Variants in PHACTR1 observed in about 807,000 individuals in gnomAD.
PHACTR1 encodes phosphatase and actin regulator 1.
In PHACTR1, 16 loss-of-function variants were observed where a neutral mutation model predicts 69.2. The ratio of observed to expected loss-of-function variants is 0.23; its 90% confidence interval spans 0.16 to 0.35. The LOEUF (loss-of-function observed/expected upper bound fraction) is 0.35, where lower values mean the gene tolerates loss of function less well. Ranked by LOEUF, PHACTR1 falls within the 10% of genes least tolerant of loss-of-function variation. PHACTR1 has a pLI of 1.00. For missense variants in PHACTR1, 510 were observed against 734.7 expected, an observed-to-expected ratio of 0.69 and a Z score of 3.54; for synonymous variants, 312 against 284.5, an observed-to-expected ratio of 1.10 and a Z score of -0.97.
chr6:13,069,783 C>T (rs1244064723), intron 5 of PHACTR1, among the ~76,000 whole-genome samples: 4 of 152,276 alleles, frequency 2.6e-5, no homozygotes, highest in South Asian at 2.1e-4. Flanking sequence ...ATGAAATACA[C>T]GTGACCCTTT....
chr6:12,835,116 T>C (rs199539296), intron 4 of PHACTR1, among the ~76,000 whole-genome samples: 4 of 152,036 alleles, frequency 2.6e-5, no homozygotes, highest in African/African-American at 9.7e-5. Flanking sequence ...GCATCCCAAA[T>C]GGAGAGAACC....
At chr6:13,106,594 C>T (rs1256862026) in intron 5 of PHACTR1, among the ~76,000 whole-genome samples, 2 of 152,206 alleles carry the variant, frequency 1.3e-5, no homozygotes, top group African/African-American at 4.8e-5. Context: ...CCTCCCAACT[C>T]AGCCTCCTAA....
intron 8 of PHACTR1, among the ~76,000 whole-genome samples, chr6:13,222,747 G>A (rs894952217): frequency 3.9e-4 from 60 of 152,358 alleles, no homozygotes; most frequent in African/African-American, 1.4e-3. Flanking sequence ...GGCTGTCACA[G>A]TTGGAGGAAG....
intron 5 of PHACTR1, among the ~76,000 whole-genome samples, chr6:13,059,635 A>G (rs1807388816): frequency 6.6e-6 from 1 of 152,230 alleles, no homozygotes; most frequent in African/African-American, 2.4e-5. Flanking sequence ...GCACACAGTT[A>G]TACCTCAATA....
intron 4 of PHACTR1, among the ~76,000 whole-genome samples, chr6:12,981,945 G>A (rs1024210489): frequency 6.6e-6 from 1 of 152,146 alleles, no homozygotes; most frequent in African/African-American, 2.4e-5. Flanking sequence ...ACCTGGGCTT[G>A]CTTTCTTTCT....
chr6:13,200,399 C>T (rs929297268), intron 7 of PHACTR1, among the ~76,000 whole-genome samples: 4 of 151,404 alleles, frequency 2.6e-5, no homozygotes, highest in East Asian at 1.9e-4. Context: ...TTAGTAGAGA[C>T]GGGGTCAAAG....
intron 4 of PHACTR1, among the ~76,000 whole-genome samples, chr6:12,926,283 C>G (rs1228889249): frequency 6.6e-6 from 1 of 152,110 alleles, no homozygotes; most frequent in Non-Finnish European, 1.5e-5. Flanking sequence ...TTCCCTTTGA[C>G]TCTTGTCTTT....
At chr6:12,943,190 T>C (rs1790234755) in intron 4 of PHACTR1, among the ~76,000 whole-genome samples, 1 of 152,162 alleles carries the variant, frequency 6.6e-6, no homozygotes, top group Non-Finnish European at 1.5e-5. Flanking sequence ...TATTCAGCCA[T>C]AGAAAGAAAG....
At chr6:13,248,617 C>A (rs555606525) in intron 10 of PHACTR1, among the ~76,000 whole-genome samples, 1 of 152,074 alleles carries the variant, frequency 6.6e-6, no homozygotes, top group Non-Finnish European at 1.5e-5. Context: ...TTGAGGTGAT[C>A]GCAAAGCCCC....
At chr6:12,799,394 A>G (rs555717636) in intron 4 of PHACTR1, among the ~76,000 whole-genome samples, 1 of 152,288 alleles carries the variant, frequency 6.6e-6, no homozygotes, top group Non-Finnish European at 1.5e-5. Flanking sequence ...AGCTAGAGCC[A>G]GTTACTAGGT....
intron 4 of PHACTR1, among the ~76,000 whole-genome samples, chr6:12,925,472 G>A (rs1457367839): frequency 6.6e-6 from 1 of 152,136 alleles, no homozygotes; most frequent in Non-Finnish European, 1.5e-5. Context: ...GTACGAAACT[G>A]TTCTAAGAGA....
chr6:13,036,733 G>T (rs544409914), intron 4 of PHACTR1, among the ~76,000 whole-genome samples: 1 of 152,298 alleles, frequency 6.6e-6, no homozygotes, highest in African/African-American at 2.4e-5. Flanking sequence ...TTTGGAGGTA[G>T]ATGCTGTCTC....
intron 4 of PHACTR1, among the ~76,000 whole-genome samples, chr6:12,753,830 C>G (rs1766909661): frequency 6.6e-6 from 1 of 151,982 alleles, no homozygotes. Flanking sequence ...CAGGGTACCT[C>G]TCTTCCACCC....
At chr6:12,751,646 AC>A (rs578117897) in intron 4 of PHACTR1, among the ~76,000 whole-genome samples, 41 of 152,330 alleles carry the variant, frequency 2.7e-4, no homozygotes, top group Non-Finnish European at 4.6e-4. Context: ...AAACCTAGTG[AC>A]TTGCAATCTT....
At chr6:12,833,187 G>C (rs547675556) in intron 4 of PHACTR1, among the ~76,000 whole-genome samples, 2 of 151,792 alleles carry the variant, frequency 1.3e-5, no homozygotes, top group South Asian at 4.2e-4. Flanking sequence ...CTTCCTTTTC[G>C]TGTTAAACCT....
intron 3 of PHACTR1, among the ~76,000 whole-genome samples, chr6:12,733,853 C>T (rs934646750): frequency 2.0e-5 from 3 of 152,146 alleles, no homozygotes; most frequent in African/African-American, 7.2e-5. Context: ...AAATCAGCCA[C>T]GTGGAAGATA....
At chr6:12,954,764 A>T (rs776397140) in intron 4 of PHACTR1, among the ~76,000 whole-genome samples, 1 of 152,252 alleles carries the variant, frequency 6.6e-6, no homozygotes, top group Non-Finnish European at 1.5e-5. Context: ...CACCCAAGAG[A>T]TTACCACTTG....
At chr6:12,730,442 C>A in intron 3 of PHACTR1, among the ~76,000 whole-genome samples, 1 of 149,484 alleles carries the variant, frequency 6.7e-6, no homozygotes, top group Non-Finnish European at 1.5e-5. Flanking sequence ...TCTCAGTTAA[C>A]ACTTATAAGG....
intron 4 of PHACTR1, among the ~76,000 whole-genome samples, chr6:12,818,302 C>T (rs1490204736): frequency 2.0e-5 from 3 of 152,176 alleles, no homozygotes; most frequent in Non-Finnish European, 4.4e-5. Flanking sequence ...GATGGCCTCA[C>T]TCACGTGTCT....
Sources: allele counts gnomAD v4.1 joint callset (sites outside exome capture counted in the v4.1 genomes callset), GRCh38; gene constraint gnomAD v4.1.1; transcripts MANE v1.5; gene names NCBI Gene and HGNC (gene_info 2026-07-23, HGNC 2026-07-21).